The following TOP1 variants were observed in gnomAD, a reference collection of about 807,000 sequenced individuals.
TOP1 encodes DNA topoisomerase I, also known as DNA topoisomerase 1.
Under a neutral mutation model 111.1 loss-of-function variants are expected in TOP1, and 10 were observed. That is an observed-to-expected ratio of 0.09 (90% CI 0.06 to 0.15). The LOEUF (loss-of-function observed/expected upper bound fraction) is 0.15. Among genes scored for constraint, TOP1 ranks in the 10% least tolerant of loss-of-function variants. The probability of loss-of-function intolerance (pLI) is 1.00; values close to 1 mark genes in which losing one functional copy is unlikely to be tolerated. For missense variants in TOP1, 474 were observed against 926.7 expected (o/e 0.51, Z 6.34); for synonymous variants, 271 against 302.9 (o/e 0.89, Z 1.10).
At chr20:41,066,624 G>A (rs2033611357) in intron 3 of TOP1, among the ~76,000 whole-genome samples, 3 of 143,352 alleles carry the variant, frequency 2.1e-5, no homozygotes, top group Admixed American at 7.3e-5. Context: ...ACACAATCTC[G>A]GCTCACTGCA....
chr20:41,051,908 C>T (rs1440267018), intron 2 of TOP1, among the ~76,000 whole-genome samples: 10 of 151,966 alleles, frequency 6.6e-5, no homozygotes, highest in Non-Finnish European at 1.2e-4. Flanking sequence ...ATGGTTGTAC[C>T]GCATTGACAG....
intron 13 of TOP1, among the ~76,000 whole-genome samples, chr20:41,111,699 G>A (rs752085665): frequency 2.0e-5 from 3 of 150,002 alleles, no homozygotes; most frequent in Admixed American, 6.7e-5. Flanking sequence ...ACGGGTCCAC[G>A]TCATAGTCAG....
rs988826137 is a variant in TOP1, at chr20:41,109,625, C to A, written c.1309-3157C>A. 2.6e-5 allele frequency among the ~76,000 whole-genome samples: 4 copies of A among 152,108 alleles called. No homozygotes were observed. Among genetic ancestry groups the A allele is most frequent in the Non-Finnish European group, 5.9e-5 (4 of 68,020 alleles). ...AGCTCCATAATAAAAAAACAGACAT[C>A]CCATCCGCATAATAAAAAGAGCAAA... On this transcript the variant is annotated intron_variant, in intron 13 of 20. Transcript: ENST00000361337. The surrounding 1 kb of genome is among the most constrained non-coding windows in gnomAD (Gnocchi z 4.1).
In TOP1 at chr20:41,028,902, T is replaced by C; in HGVS notation, c.-166T>C. 1.7e-6 allele frequency: 1 copy of C among 577,142 alleles called. No homozygotes were observed. The highest frequency in any genetic ancestry group is 3.0e-6 in the Non-Finnish European group (1 of 331,822). The allele number at this position is 577,142 out of a possible 1,614,324, so 35.8% of individuals were successfully genotyped here. A position where few individuals can be genotyped will look rare whatever the true frequency, so the allele number is the denominator to read the frequency against. On this transcript the variant is annotated 5_prime_UTR_variant, in exon 1 of 21. Coordinates refer to ENST00000361337, the MANE Select transcript of TOP1 (RefSeq NM_003286.4). ...CGGCAGTCAGGCAGCGTCGCCGCCG[T>C]GGTAGCAGCCTCAGCCGTTTCTGGA...
At chr20:41,052,426 G>T (rs1329027313) in intron 2 of TOP1, among the ~76,000 whole-genome samples, 1 of 152,162 alleles carries the variant, frequency 6.6e-6, no homozygotes, top group African/African-American at 2.4e-5. Flanking sequence ...TTTCCCTATG[G>T]AGAATGAACT....
Position 41,097,123 on chromosome 20 carries a change from A to G in TOP1, c.731-97A>G, listed in dbSNP as rs2033992562. 1 of 1,373,770 alleles carries G rather than the reference A, an allele frequency of 7.3e-7. No individual in the cohort carries two copies. The highest frequency in any genetic ancestry group is 1.5e-5 in the African/African-American group (1 of 68,734). 85.1% of individuals were successfully genotyped at this position (1,373,770 alleles called of 1,614,324 possible). On this transcript the variant is annotated intron_variant, in intron 9 of 20. Coordinates refer to ENST00000361337, the MANE Select transcript of TOP1 (RefSeq NM_003286.4). The surrounding 1 kb of genome is among the most constrained non-coding windows in gnomAD (Gnocchi z 4.2). ...CACCAGACCTTTATATACCATGAGA[A>G]GGCAAACCATTATTAAAGAGAATTC...
chr20:41,118,552 C>T lies in TOP1; in HGVS notation c.1950+256C>T, dbSNP rs1270936820. 2.0e-5 allele frequency among the ~76,000 whole-genome samples: 3 copies of T among 152,200 alleles called. No homozygotes were observed. The highest frequency in any genetic ancestry group is 7.2e-5 in the African/African-American group (3 of 41,440). On this transcript the variant is annotated intron_variant, in intron 18 of 20. Coordinates refer to ENST00000361337, the MANE Select transcript of TOP1 (RefSeq NM_003286.4). The surrounding 1 kb of genome is among the most constrained non-coding windows in gnomAD (Gnocchi z 4.6). ...GCCACTCCCTATTTTGAAAAACTAACTTTGGTGTACATTCTAATTGCTAAT... is the reference window on the plus strand; with the variant it reads ...GCCACTCCCTATTTTGAAAAACTAATTTTGGTGTACATTCTAATTGCTAAT...
rs371546358 is a variant in TOP1, at chr20:41,070,013, G to A, written c.156-6158G>A. 5.4e-4 allele frequency among the ~76,000 whole-genome samples: 82 copies of A among 152,184 alleles called. No individual in the cohort carries two copies. In the East Asian group the frequency reaches 0.014, roughly 26 times the overall value. ...AATGAGACCCAAAAAAGTGGCTTGAGGCAAAACTATTAAATGCCATTTCAA... is the reference window on the plus strand; with the variant it reads ...AATGAGACCCAAAAAAGTGGCTTGAAGCAAAACTATTAAATGCCATTTCAA... On this transcript the variant is annotated intron_variant, in intron 3 of 20. Coordinates refer to ENST00000361337, the MANE Select transcript of TOP1 (RefSeq NM_003286.4).
chr20:41,107,450 G>A (rs1381403316), intron 13 of TOP1, among the ~76,000 whole-genome samples: 2 of 152,048 alleles, frequency 1.3e-5, no homozygotes, highest in African/African-American at 4.8e-5. Flanking sequence ...TGGGTGAGTT[G>A]TAGCACTCAC....
Position 41,028,919 on chromosome 20 carries a change from G to C in TOP1, c.-149G>C, listed in dbSNP as rs1405591548. On this transcript the variant is annotated 5_prime_UTR_variant, in exon 1 of 21. Coordinates refer to ENST00000361337, the MANE Select transcript of TOP1 (RefSeq NM_003286.4). The stretch of plus-strand genomic sequence containing the variant: ...CGCCGCCGTGGTAGCAGCCTCAGCC[G>C]TTTCTGGAGTCTCGGGCCCACAGTC... The C allele has an allele frequency of 1.6e-6, 1 of 633,186 alleles. No individual in the cohort carries two copies. Among genetic ancestry groups the C allele is most frequent in the African/African-American group, 1.9e-5 (1 of 51,834 alleles). 39.2% of individuals were successfully genotyped at this position (633,186 alleles called of 1,614,324 possible).
Position 41,114,220 on chromosome 20 carries a change from T to A in TOP1, c.1638+65T>A. 1 of 1,439,490 alleles carries A rather than the reference T, an allele frequency of 6.9e-7. No homozygotes were observed. Among genetic ancestry groups the A allele is most frequent in the Admixed American group, 1.9e-5 (1 of 53,940 alleles). 89.2% of individuals were successfully genotyped at this position (1,439,490 alleles called of 1,614,324 possible). On this transcript the variant is annotated intron_variant, in intron 15 of 20. Coordinates refer to ENST00000361337, the MANE Select transcript of TOP1 (RefSeq NM_003286.4). The surrounding 1 kb of genome is among the most constrained non-coding windows in gnomAD (Gnocchi z 4.5). ...TATTCAACAAGCATGGGTTGACTGC[T>A]TTTTTGTGTGCTTTGCACTTTGCTG... is the stretch of plus-strand genomic sequence containing the variant.
chr20:41,084,830 T>C (rs1025280543), intron 8 of TOP1, among the ~76,000 whole-genome samples: 4 of 152,326 alleles, frequency 2.6e-5, no homozygotes, highest in African/African-American at 9.6e-5. Context: ...GGTGGGAATT[T>C]AGCATACGAA....
In TOP1 at chr20:41,071,874, C is replaced by G. The variant is rs2033672747; in HGVS notation, c.156-4297C>G. Among the ~76,000 whole-genome samples the G allele has an allele frequency of 6.6e-6, 1 of 152,244 alleles. No homozygotes were observed. Among genetic ancestry groups the G allele is most frequent in the Non-Finnish European group, 1.5e-5 (1 of 68,052 alleles). On this transcript the variant is annotated intron_variant, in intron 3 of 20. Coordinates refer to ENST00000361337, the MANE Select transcript of TOP1 (RefSeq NM_003286.4). This position sits in a 1 kb window ranked among gnomAD's most constrained non-coding sequence, Gnocchi z 4.3. ...GGTTGTTTTCTCGTTCAGAGTTCCT[C>G]ATGCCCATGGGGTAAATTCATATTT... is the stretch of plus-strand genomic sequence containing the variant.
At chr20:41,039,842 G>T (rs1259837452) in intron 2 of TOP1, among the ~76,000 whole-genome samples, 3 of 152,100 alleles carry the variant, frequency 2.0e-5, no homozygotes, top group African/African-American at 7.2e-5. Flanking sequence ...AGGAGGCGGA[G>T]CTTGCAGTGA....
intron 13 of TOP1, among the ~76,000 whole-genome samples, chr20:41,105,763 G>A (rs2034135844): frequency 6.6e-6 from 1 of 152,172 alleles, no homozygotes; most frequent in African/African-American, 2.4e-5. Flanking sequence ...ACAAAGTGCT[G>A]GGATTACAGG....
intron 3 of TOP1, among the ~76,000 whole-genome samples, chr20:41,064,961 G>T (rs901557616): frequency 1.3e-5 from 2 of 152,062 alleles, no homozygotes; most frequent in African/African-American, 2.4e-5. Context: ...CTGGAGTGCA[G>T]TGGTGCCATC....
rs991257887 is a variant in TOP1 at position 41,034,334 on chromosome 20, C to T, written c.58+4879C>T. Among the ~76,000 whole-genome samples the T allele has an allele frequency of 1.3e-5, 2 of 152,210 alleles. No individual in the cohort carries two copies. Among genetic ancestry groups the T allele is most frequent in the Non-Finnish European group, 2.9e-5 (2 of 68,050 alleles). ...AGTTTGAGCAGCAGCTTTCCATCCC[C>T]ATGGCTCCAGGCCAATAGCTGCAGT... On this transcript the variant is annotated intron_variant, in intron 2 of 20. Transcript: ENST00000361337. The surrounding 1 kb of genome is among the most constrained non-coding windows in gnomAD (Gnocchi z 4.0).
Position 41,098,197 on chromosome 20 carries a change from C to T in TOP1, c.853-18C>T. 1 of 1,613,004 alleles carries T rather than the reference C, an allele frequency of 6.2e-7. No individual in the cohort carries two copies. Among genetic ancestry groups the T allele is most frequent in the Non-Finnish European group, 8.5e-7 (1 of 1,179,190 alleles). The stretch of plus-strand genomic sequence containing the variant: ...TTTTCGTTGTTTTTCTTTCATCTCC[C>T]CATTTTCTTTTGACTAGGAAATGAC... On this transcript the variant is annotated intron_variant, in intron 10 of 20. Coordinates refer to ENST00000361337, the MANE Select transcript of TOP1 (RefSeq NM_003286.4). The surrounding 1 kb of genome is among the most constrained non-coding windows in gnomAD (Gnocchi z 5.7).
In TOP1 at chr20:41,097,126, CA is replaced by C. The variant is rs1183832994; in HGVS notation, c.731-91del. The C allele has an allele frequency of 7.1e-7, 1 of 1,413,528 alleles. No individual in the cohort carries two copies. Among genetic ancestry groups the C allele is most frequent in the East Asian group, 2.3e-5 (1 of 43,328 alleles). 87.6% of individuals were successfully genotyped at this position (1,413,528 alleles called of 1,614,324 possible). A position where few individuals can be genotyped will look rare whatever the true frequency, so the allele number is the denominator to read the frequency against. On this transcript the variant is annotated intron_variant, in intron 9 of 20. Coordinates refer to ENST00000361337, the MANE Select transcript of TOP1 (RefSeq NM_003286.4). This position sits in a 1 kb window ranked among gnomAD's most constrained non-coding sequence, Gnocchi z 4.2. The stretch of plus-strand genomic sequence containing the variant: ...CAGACCTTTATATACCATGAGAAGG[CA>C]AACCATTATTAAAGAGAATTCGCTA...
Sources: allele counts gnomAD v4.1 joint callset (sites outside exome capture counted in the v4.1 genomes callset), GRCh38; gene constraint gnomAD v4.1.1; non-coding constraint Gnocchi (gnomAD v3.1); transcripts MANE v1.5; gene names NCBI Gene and HGNC (gene_info 2026-07-23, HGNC 2026-07-21).